AGBL4: variants seen among roughly 807,000 people sequenced by gnomAD.
The protein encoded by AGBL4 is AGBL carboxypeptidase 4, also known as cytosolic carboxypeptidase 6.
In AGBL4, 58 loss-of-function variants were observed where a neutral mutation model predicts 66.4. The observed-to-expected ratio is 0.87, with a 90% CI of 0.71 to 1.09. The LOEUF is 1.09. AGBL4 is among the 50% of genes least tolerant of loss of function. AGBL4 has a pLI of 0.00. For missense variants in AGBL4, 579 were observed against 631.0 expected, an observed-to-expected ratio of 0.92 and a Z score of 0.88; for synonymous variants, 234 against 222.9, an observed-to-expected ratio of 1.05 and a Z score of -0.44.
chr1:49,202,481 G>T (rs1232950283), intron 4 of AGBL4, among the ~76,000 whole-genome samples: 1 of 152,012 alleles, frequency 6.6e-6, no homozygotes, highest in Non-Finnish European at 1.5e-5. Context: ...TCACATATAT[G>T]GTCAATGATC....
intron 5 of AGBL4, among the ~76,000 whole-genome samples, chr1:48,870,276 C>T (rs1489768932): frequency 1.3e-5 from 2 of 151,952 alleles, no homozygotes; most frequent in African/African-American, 4.8e-5. Flanking sequence ...CATGTACTGT[C>T]TTCCTTGTCT....
At position 48,842,250 on chromosome 1, in the gene AGBL4, C is replaced by A. The variant is rs551679338; in HGVS notation, c.634+24941G>T. Among the ~76,000 whole-genome samples, 5 of 152,256 alleles carry A rather than the reference C, an allele frequency of 3.3e-5. No individual in the cohort carries two copies. In the South Asian group the frequency reaches 1.0e-3, roughly 32 times the overall value. ...CCAGCAATCTCATCTTTTGAAATGG[C>A]TTCCTTTCCTTTTTCTTTTTTTTTC... On this transcript the variant is annotated intron_variant, in intron 6 of 13. Coordinates refer to ENST00000371839, the MANE Select transcript of AGBL4 (RefSeq NM_032785.4).
chr1:49,763,155 T>C (rs1254515571), intron 2 of AGBL4, among the ~76,000 whole-genome samples: 4 of 152,244 alleles, frequency 2.6e-5, no homozygotes, highest in Non-Finnish European at 5.9e-5. Context: ...TGTGTGTTCC[T>C]GGCACCTTTG....
chr1:49,844,820 C>T, intron 2 of AGBL4: 1 of 1,532,386 alleles, frequency 6.5e-7, no homozygotes, highest in South Asian at 1.1e-5. Context: ...GGTGAAGACA[C>T]TGTGGGCCAC....
At chr1:49,862,366 A>C (rs988231441) in intron 1 of AGBL4, among the ~76,000 whole-genome samples, 19 of 143,230 alleles carry the variant, frequency 1.3e-4, no homozygotes, top group African/African-American at 4.9e-4. Context: ...AAAAAAAAAA[A>C]CAATGAAGCA....
At chr1:48,867,342 T>C in intron 5 of AGBL4, 112 bp from the exon 6 acceptor site, 1 of 1,052,244 alleles carries the variant, frequency 9.5e-7, no homozygotes, top group South Asian at 1.3e-5. Flanking sequence ...GCAGGGTAAA[T>C]CATACGGAAT....
intron 3 of AGBL4, among the ~76,000 whole-genome samples, chr1:49,335,240 C>T (rs1645410607): frequency 6.6e-6 from 1 of 152,188 alleles, no homozygotes; most frequent in Non-Finnish European, 1.5e-5. Flanking sequence ...TTTCTTCTTT[C>T]TCTCAAACTC....
At chr1:48,947,508 T>C (rs1486700373) in intron 5 of AGBL4, among the ~76,000 whole-genome samples, 6 of 152,230 alleles carry the variant, frequency 3.9e-5, no homozygotes, top group Non-Finnish European at 8.8e-5. Context: ...AAATCTACAA[T>C]GCCTCTGAGG....
chr1:49,317,407 A>G (rs1014553769), intron 3 of AGBL4, among the ~76,000 whole-genome samples: 2 of 151,948 alleles, frequency 1.3e-5, no homozygotes, highest in Admixed American at 1.3e-4. Context: ...CATTTAATAC[A>G]TGCCTGCTCC....
chr1:48,844,177 C>A (rs1646863358), intron 6 of AGBL4, among the ~76,000 whole-genome samples: 1 of 152,132 alleles, frequency 6.6e-6, no homozygotes, highest in East Asian at 1.9e-4. Context: ...TGCCCTGATG[C>A]CCTCTCACTG....
chr1:49,041,633 TTTAC>T (rs1200733103), intron 5 of AGBL4, among the ~76,000 whole-genome samples: 3 of 152,138 alleles, frequency 2.0e-5, no homozygotes, highest in Non-Finnish European at 4.4e-5. Flanking sequence ...CCTCAGATTA[TTTAC>T]CCCCAAACTG....
At chr1:48,669,086 G>A (rs567961690) in intron 6 of AGBL4, among the ~76,000 whole-genome samples, 1 of 152,158 alleles carries the variant, frequency 6.6e-6, no homozygotes, top group Admixed American at 6.5e-5. Flanking sequence ...GGGGTCAAAT[G>A]AAAAGTCAGC....
At chr1:48,545,634 T>C (rs1421575990) in intron 11 of AGBL4, among the ~76,000 whole-genome samples, 26 of 152,204 alleles carry the variant, frequency 1.7e-4, no homozygotes, top group Admixed American at 1.7e-3. Context: ...CTCATCATTT[T>C]CAGGTTCCTG....
At chr1:48,840,099 C>G (rs1646764949) in intron 6 of AGBL4, among the ~76,000 whole-genome samples, 1 of 152,102 alleles carries the variant, frequency 6.6e-6, no homozygotes, top group Admixed American at 6.6e-5. Flanking sequence ...AGAAATGAGT[C>G]TGATGTTAAG....
chr1:49,978,554 T>C (rs905545193), intron 1 of AGBL4, among the ~76,000 whole-genome samples: 2 of 152,248 alleles, frequency 1.3e-5, no homozygotes, highest in African/African-American at 2.4e-5. Flanking sequence ...ACAGTAGTTA[T>C]AGTATATCCA....
chr1:49,690,609 T>C (rs1646868006), intron 3 of AGBL4, among the ~76,000 whole-genome samples: 1 of 152,170 alleles, frequency 6.6e-6, no homozygotes, highest in Non-Finnish European at 1.5e-5. Flanking sequence ...AAGAATTTCT[T>C]TGAGGAATAA....
intron 3 of AGBL4, among the ~76,000 whole-genome samples, chr1:49,288,608 A>T (rs1214842056): frequency 6.6e-6 from 1 of 152,208 alleles, no homozygotes. Context: ...TAATAAAACA[A>T]GTAGAAAGTG....
chr1:49,226,629 A>G (rs1451859092), intron 4 of AGBL4, among the ~76,000 whole-genome samples: 11 of 152,138 alleles, frequency 7.2e-5, no homozygotes, highest in Admixed American at 7.2e-4. Context: ...CTTGTCCTTC[A>G]ATAATACTTA....
At chr1:49,332,381 G>C (rs1288252222) in intron 3 of AGBL4, among the ~76,000 whole-genome samples, 1 of 152,168 alleles carries the variant, frequency 6.6e-6, no homozygotes, top group African/African-American at 2.4e-5. Context: ...CACCAGGCCA[G>C]ATTATTTCAT....
Sources: allele counts gnomAD v4.1 joint callset (sites outside exome capture counted in the v4.1 genomes callset), GRCh38; gene constraint gnomAD v4.1.1; transcripts MANE v1.5; gene names NCBI Gene and HGNC (gene_info 2026-07-23, HGNC 2026-07-21).